LILRA6: variants seen among roughly 807,000 people sequenced by gnomAD.
LILRA6 encodes the protein leukocyte immunoglobulin like receptor A6.
LILRA6 carries 16 observed loss-of-function variants against 53.9 expected under a neutral mutation model. The observed-to-expected ratio is 0.30, with a 90% CI of 0.20 to 0.45. The LOEUF is 0.45. LILRA6 is among the 20% of genes least tolerant of loss of function. The probability of loss-of-function intolerance (pLI) is 1.00; values close to 1 mark genes in which losing one functional copy is unlikely to be tolerated. For missense variants in LILRA6, 306 were observed against 618.6 expected, an observed-to-expected ratio of 0.49 and a Z score of 5.36; for synonymous variants, 135 against 256.4, an observed-to-expected ratio of 0.53 and a Z score of 4.52.
At chr19:54,238,023 T>C (rs1569020063), downstream of LILRA6, 2 of 149,334 alleles carry the variant, frequency 1.3e-5, no homozygotes, top group African/African-American at 5.1e-5. Flanking sequence ...TCTTCTTTTT[T>C]TTTTTCTTTT....
chr19:54,239,014 C>G lies in LILRA6; in HGVS notation c.1385G>C (p.Gly462Ala), dbSNP rs757237248. The change falls in exon 8 of 8, where the codon GGG (glycine) becomes GCG (alanine). Residue 462 changes from glycine (G) to alanine (A), a missense_variant. Gly to Ala is a moderately conservative substitution (Grantham distance 60). Transcript: ENST00000396365. ...GTGCTGAGCCTCAAATAACAGAATC[C>G]CGAGGAACACCAGGACCAAGCCTGC... 1.7e-5 allele frequency: 27 copies of G among 1,611,258 alleles called. 1 individual carries two copies. In the African/African-American group the frequency reaches 3.4e-4, roughly 20 times the overall value.
intron 4 of LILRA6, 89 bp downstream of exon 4, chr19:54,241,487 G>A: frequency 7.6e-7 from 1 of 1,321,992 alleles, no homozygotes; most frequent in Non-Finnish European, 1.0e-6. Flanking sequence ...CATCACTCTG[G>A]GTCCTTTCCA....
rs530530203 is a variant in LILRA6, at chr19:54,239,623, G to A, written c.1309+278C>T. 4 of 1,345,726 alleles carry A rather than the reference G, an allele frequency of 3.0e-6. No homozygotes were observed. In the South Asian group the frequency reaches 4.2e-5, roughly 14 times the overall value. 83.4% of individuals were successfully genotyped at this position (1,345,726 alleles called of 1,614,324 possible). On this transcript the variant is annotated intron_variant, in intron 7 of 7. Transcript: ENST00000396365. ...GACCACGAGCTCCAGGGAGTCACTG[G>A]CCTGACCCTGGGGGGTTGAGGGGCT...
At chr19:54,238,977 G>T (rs769216895) in exon 8 of LILRA6, 3 of 1,611,230 alleles carry the variant, frequency 1.9e-6, no homozygotes, top group East Asian at 2.2e-5. Flanking sequence ...CATCTTGGGG[G>T]TTTCTCTGGC....
chr19:54,242,626 A>T, intron 1 of LILRA6, 72 bp from the exon 2 acceptor site: 2 of 1,081,000 alleles, frequency 1.9e-6, no homozygotes, highest in Non-Finnish European at 2.5e-6. Flanking sequence ...GTGCCTCCTG[A>T]GCTTTTGAGG....
At chr19:54,242,604 C>T in intron 1 of LILRA6, 50 bp from the exon 2 acceptor site, 2 of 1,060,732 alleles carry the variant, frequency 1.9e-6, no homozygotes, top group Non-Finnish European at 2.6e-6. Flanking sequence ...TGAGCAGGTC[C>T]TCCCCGCCCT....
chr19:54,241,081 C>T, exon 5 of LILRA6: 1 of 1,608,166 alleles, frequency 6.2e-7, no homozygotes, highest in Middle Eastern at 1.7e-4. Flanking sequence ...GCCCAGGGGC[C>T]AGGACAGGGC....
At chr19:54,239,717 C>T in intron 7 of LILRA6, 184 bp downstream of exon 7, 1 of 1,520,560 alleles carries the variant, frequency 6.6e-7, no homozygotes, top group African/African-American at 1.4e-5. Flanking sequence ...CCACATCAGC[C>T]CGGCTCCTCC....
chr19:54,241,329 C>T (rs2078757806), intron 4 of LILRA6: 1 of 1,130,062 alleles, frequency 8.8e-7, no homozygotes, highest in Non-Finnish European at 1.2e-6. Flanking sequence ...GATCTTTCCT[C>T]CTCTCCCTGA....
intron 7 of LILRA6, chr19:54,239,326 T>G (rs745343282): frequency 6.1e-6 from 8 of 1,313,094 alleles, no homozygotes; most frequent in Non-Finnish European, 8.2e-6. Flanking sequence ...TGCGTTCTTA[T>G]TCTTCCAGGC....
chr19:54,240,800 G>A (rs752416513), intron 5 of LILRA6, 31 bp downstream of exon 5: 2 of 1,612,296 alleles, frequency 1.2e-6, no homozygotes, highest in Non-Finnish European at 1.7e-6. Context: ...GCAGAGCCTG[G>A]GTCCCTGACT....
rs949964503 is a variant in LILRA6 at position 54,239,183 on chromosome 19, C to T, written c.1310-94G>A. On this transcript the variant is annotated intron_variant, in intron 7 of 7. Coordinates refer to ENST00000396365, the Ensembl canonical transcript of LILRA6. ...CCAACCCAGGGCACCCCCCATCCGC[C>T]ATTGACAGAACCTGACCCTCTGTGC... 2.5e-6 allele frequency: 4 copies of T among 1,586,304 alleles called. No homozygotes were observed. In the African/African-American group the frequency reaches 4.2e-5, roughly 17 times the overall value.
At chr19:54,242,254 T>A (rs1327476799) in exon 3 of LILRA6, 2 of 1,415,510 alleles carry the variant, frequency 1.4e-6, no homozygotes, top group Admixed American at 1.9e-5. Flanking sequence ...GTCACGGGGC[T>A]CCCCCAGCTG....
chr19:54,240,470 G>A (rs768617188), exon 6 of LILRA6: 154 of 1,581,198 alleles, frequency 9.7e-5, no homozygotes, highest in Middle Eastern at 5.2e-4. Flanking sequence ...TGGTCAGAAG[G>A]AAAGTGTCAA....
At chr19:54,239,331 C>T in intron 7 of LILRA6, 2 of 1,280,526 alleles carry the variant, frequency 1.6e-6, no homozygotes, top group Non-Finnish European at 2.1e-6. Context: ...TCTTATTCTT[C>T]CAGGCCTCAT....
chr19:54,239,874 G>C (rs1317265520), intron 7 of LILRA6, 27 bp downstream of exon 7: 1 of 1,552,782 alleles, frequency 6.4e-7, no homozygotes, highest in African/African-American at 1.4e-5. Flanking sequence ...GGGAGGCGGC[G>C]CTCCCCACGA....
chr19:54,239,582 C>T, intron 7 of LILRA6: 4 of 1,061,330 alleles, frequency 3.8e-6, no homozygotes, highest in Non-Finnish European at 5.5e-6. Context: ...AGGACAGGGT[C>T]AGGGCCCTCA....
chr19:54,240,629 A>T (rs2078731587), intron 5 of LILRA6, 53 bp from the exon 6 acceptor site: 3 of 1,557,128 alleles, frequency 1.9e-6, no homozygotes, highest in Non-Finnish European at 2.6e-6. Context: ...CTGAGCTGAC[A>T]CCTCCCCAGG....
downstream of LILRA6, chr19:54,237,809 T>C (rs1166400553): frequency 6.6e-6 from 1 of 150,842 alleles, no homozygotes; most frequent in Non-Finnish European, 1.5e-5. Flanking sequence ...TCTTTGTAGA[T>C]TTTGTCTGTG....
Sources: allele counts gnomAD v4.1 joint callset, GRCh38; gene constraint gnomAD v4.1.1; transcripts MANE v1.5; gene names NCBI Gene and HGNC (gene_info 2026-07-23, HGNC 2026-07-21).